ERBB4: variants seen among roughly 807,000 people sequenced by gnomAD.
ERBB4 encodes the protein receptor tyrosine-protein kinase erbB-4.
A neutral mutation model predicts 158.0 loss-of-function variants in ERBB4; 42 were observed. The observed-to-expected ratio is 0.27, with a 90% CI of 0.21 to 0.34. The LOEUF (loss-of-function observed/expected upper bound fraction) is 0.34. Ranked by LOEUF, ERBB4 falls within the 10% of genes least tolerant of loss-of-function variation. The pLI, the probability that ERBB4 is intolerant of heterozygous loss-of-function variation, is 1.00. For missense variants in ERBB4, 1,333 were observed against 1,624.1 expected (o/e 0.82, Z 3.08); for synonymous variants, 583 against 558.7 (o/e 1.04, Z -0.61).
intron 2 of ERBB4, among the ~76,000 whole-genome samples, chr2:212,118,830 C>T (rs2079651798): frequency 6.6e-6 from 1 of 151,784 alleles, no homozygotes; most frequent in African/African-American, 2.4e-5. Flanking sequence ...AATGTGTTAC[C>T]TTTTCATAAT....
chr2:212,182,582 T>C (rs1381771614), intron 1 of ERBB4, among the ~76,000 whole-genome samples: 1 of 151,828 alleles, frequency 6.6e-6, no homozygotes, highest in Admixed American at 6.6e-5. Flanking sequence ...TATTTGCATT[T>C]TTTATTAGTG....
At chr2:211,662,783 G>T (rs1369709877) in intron 15 of ERBB4, among the ~76,000 whole-genome samples, 1 of 152,084 alleles carries the variant, frequency 6.6e-6, no homozygotes, top group Non-Finnish European at 1.5e-5. Context: ...GTATGACACA[G>T]GTAACTTTAT....
chr2:212,361,742 A>G lies in ERBB4; in HGVS notation c.82+176707T>C, dbSNP rs1019084643. Among the ~76,000 whole-genome samples the G allele has an allele frequency of 4.7e-4, 71 of 151,556 alleles. 1 individual carries two copies. Among genetic ancestry groups the G allele is most frequent in the African/African-American group, 1.7e-3 (71 of 41,342 alleles). On this transcript the variant is annotated intron_variant, in intron 1 of 27. Coordinates refer to ENST00000342788, the MANE Select transcript of ERBB4 (RefSeq NM_005235.3). ...TATACGGCCTTAGGCAAATTATTTA[A>G]CCTCCACAATCCTCAACTGATTCAT...
Position 211,383,374 on chromosome 2 carries a change from T to C in ERBB4, c.*241A>G. On this transcript the variant is annotated 3_prime_UTR_variant, in exon 28 of 28. Transcript: ENST00000342788. Reference sequence around the variant, plus strand: ...TGGTCCTTCTCTAGCTGTTTCATTCTCCTGACCAACCCATGCAGAGAAATG... The same window carrying C: ...TGGTCCTTCTCTAGCTGTTTCATTCCCCTGACCAACCCATGCAGAGAAATG... 1.9e-6 allele frequency: 1 copy of C among 527,674 alleles called. No homozygotes were observed. Among genetic ancestry groups the C allele is most frequent in the Non-Finnish European group, 3.4e-6 (1 of 293,166 alleles). The allele number at this position is 527,674 out of a possible 1,614,324, so 32.7% of individuals were successfully genotyped here.
At chr2:211,561,826 T>G (rs757141073) in intron 20 of ERBB4, 77 bp downstream of exon 20, 3 of 1,248,430 alleles carry the variant, frequency 2.4e-6, no homozygotes, top group Non-Finnish European at 3.5e-6. Flanking sequence ...ACAACATATT[T>G]TCAATATGAA....
intron 4 of ERBB4, 89 bp downstream of exon 4, chr2:211,787,936 A>G: frequency 7.4e-7 from 1 of 1,345,400 alleles, no homozygotes; most frequent in Non-Finnish European, 1.1e-6. Context: ...CAAAGTTCAA[A>G]ATATTAGTAA....
At chr2:212,231,303 CA>C (rs1234777233) in intron 1 of ERBB4, among the ~76,000 whole-genome samples, 1 of 151,808 alleles carries the variant, frequency 6.6e-6, no homozygotes. Flanking sequence ...AAAAAAAAAA[CA>C]GGTTATAAAA....
At chr2:211,462,781 CAT>C (rs1253343254) in intron 20 of ERBB4, among the ~76,000 whole-genome samples, 2 of 152,140 alleles carry the variant, frequency 1.3e-5, no homozygotes, top group African/African-American at 2.4e-5. Flanking sequence ...CAGCTCTCTA[CAT>C]GTTTTATTTT....
At chr2:211,771,196 C>G (rs1575120886) in intron 4 of ERBB4, among the ~76,000 whole-genome samples, 1 of 152,126 alleles carries the variant, frequency 6.6e-6, no homozygotes, top group African/African-American at 2.4e-5. Context: ...AGATACATAC[C>G]CACGATTGGA....
At chr2:212,449,086 C>T (rs1443257876) in intron 1 of ERBB4, among the ~76,000 whole-genome samples, 1 of 152,070 alleles carries the variant, frequency 6.6e-6, no homozygotes, top group African/African-American at 2.4e-5. Flanking sequence ...AGAAGTGTGG[C>T]TTCTATCATT....
chr2:211,658,060 A>G (rs1427326617), intron 15 of ERBB4: 2 of 1,091,112 alleles, frequency 1.8e-6, no homozygotes, highest in Admixed American at 3.8e-5. Flanking sequence ...AATCAGTAAA[A>G]TAAATATTGA....
intron 1 of ERBB4, among the ~76,000 whole-genome samples, chr2:212,192,389 T>C (rs2082300684): frequency 6.6e-6 from 1 of 151,898 alleles, no homozygotes; most frequent in South Asian, 2.1e-4. Flanking sequence ...TAGTTATTTA[T>C]CTCAGTTGTC....
intron 2 of ERBB4, among the ~76,000 whole-genome samples, chr2:212,102,928 T>C (rs1006724336): frequency 3.9e-5 from 6 of 152,102 alleles, no homozygotes. Flanking sequence ...CTATTCTTTC[T>C]TACTTAGACT....
chr2:212,255,273 T>C (rs558208982), intron 1 of ERBB4, among the ~76,000 whole-genome samples: 1 of 152,282 alleles, frequency 6.6e-6, no homozygotes, highest in South Asian at 2.1e-4. Context: ...TATGTGTGTA[T>C]ATATGAAAGA....
chr2:211,428,976 T>C (rs1274215184), intron 21 of ERBB4, among the ~76,000 whole-genome samples: 1 of 151,992 alleles, frequency 6.6e-6, no homozygotes, highest in Non-Finnish European at 1.5e-5. Context: ...CCTCCCAAAA[T>C]GCTGGGATTA....
At chr2:212,450,976 A>T (rs1560360515) in intron 1 of ERBB4, among the ~76,000 whole-genome samples, 1 of 152,158 alleles carries the variant, frequency 6.6e-6, no homozygotes, top group Non-Finnish European at 1.5e-5. Context: ...AAAATAAAAT[A>T]AAAAATTAGC....
chr2:212,095,873 T>G (rs938234980), intron 2 of ERBB4, among the ~76,000 whole-genome samples: 2 of 148,152 alleles, frequency 1.3e-5, no homozygotes, highest in African/African-American at 5.0e-5. Flanking sequence ...AGGCGGAGCT[T>G]GCAGTGAGCC....
intron 1 of ERBB4, among the ~76,000 whole-genome samples, chr2:212,243,388 A>G (rs988368546): frequency 1.3e-5 from 2 of 152,128 alleles, no homozygotes; most frequent in Non-Finnish European, 2.9e-5. Flanking sequence ...AAGAAATTTA[A>G]TTGTTTTGTA....
At chr2:211,897,739 G>A (rs1050964273) in intron 3 of ERBB4, among the ~76,000 whole-genome samples, 1 of 151,668 alleles carries the variant, frequency 6.6e-6, no homozygotes, top group Non-Finnish European at 1.5e-5. Context: ...TAATTGTTTT[G>A]TTTTGTTTTT....
Sources: allele counts gnomAD v4.1 joint callset (sites outside exome capture counted in the v4.1 genomes callset), GRCh38; gene constraint gnomAD v4.1.1; transcripts MANE v1.5; gene names NCBI Gene and HGNC (gene_info 2026-07-23, HGNC 2026-07-21).